The following ADGRA2 variants were observed in gnomAD, a reference collection of about 807,000 sequenced individuals.
The protein encoded by ADGRA2 is adhesion G protein-coupled receptor A2.
Under a neutral mutation model 98.7 loss-of-function variants are expected in ADGRA2, and 61 were observed. The observed-to-expected ratio is 0.62, with a 90% CI of 0.50 to 0.76. The LOEUF (loss-of-function observed/expected upper bound fraction) is 0.76. Ranked by LOEUF, ADGRA2 falls within the 30% of genes least tolerant of loss-of-function variation. The probability of loss-of-function intolerance (pLI) is 0.00; values close to 1 mark genes in which losing one functional copy is unlikely to be tolerated. For missense variants in ADGRA2, 1,712 were observed against 1,860.0 expected, an observed-to-expected ratio of 0.92 and a Z score of 1.46; for synonymous variants, 858 against 831.5, an observed-to-expected ratio of 1.03 and a Z score of -0.55.
At chr8:37,807,712 G>A (rs7015566) in intron 1 of ADGRA2, among the ~76,000 whole-genome samples, 34,403 of 152,094 alleles carry the variant, frequency 0.23, 4,144 homozygotes, top group Middle Eastern at 0.36. Context: ...CAAGCTGCCA[G>A]TGGCAGGTGT....
In ADGRA2 at chr8:37,843,580, GAAC is replaced by G. The variant is rs1209913460; in HGVS notation, c.*1230_*1232del. 3 of 152,168 alleles carry G rather than the reference GAAC, an allele frequency of 2.0e-5. No individual in the cohort carries two copies. The highest frequency in any genetic ancestry group is 6.5e-5 in the Admixed American group (1 of 15,280). 9.4% of individuals were successfully genotyped at this position (152,168 alleles called of 1,614,324 possible). A position where few individuals can be genotyped will look rare whatever the true frequency, so the allele number is the denominator to read the frequency against. On this transcript the variant is annotated 3_prime_UTR_variant, in exon 19 of 19. Coordinates refer to ENST00000412232, the MANE Select transcript of ADGRA2 (RefSeq NM_032777.10). Reference sequence around the variant, plus strand: ...CCGAGGGAACCCTGGGTCTTGGGAAGAACAACAGGAAACCAAGGTCTGACCTAG... The same window carrying G: ...CCGAGGGAACCCTGGGTCTTGGGAAGAACAGGAAACCAAGGTCTGACCTAG...
At chr8:37,819,547 T>G (rs1585385815) in intron 2 of ADGRA2, among the ~76,000 whole-genome samples, 1 of 152,198 alleles carries the variant, frequency 6.6e-6, no homozygotes, top group South Asian at 2.1e-4. Context: ...TTTTGTATTT[T>G]TAGTAGAGAC....
At position 37,841,015 on chromosome 8, in the gene ADGRA2, A is replaced by C. The variant is rs1805773905; in HGVS notation, c.2748-71A>C. On this transcript the variant is annotated intron_variant, in intron 18 of 18. Coordinates refer to ENST00000412232, the MANE Select transcript of ADGRA2 (RefSeq NM_032777.10). The surrounding 1 kb of genome is among the most constrained non-coding windows in gnomAD (Gnocchi z 5.0). ...CGTACTCACCATATCCTGTCTCCCC[A>C]ACCACCCCGGCCCCCAGCCCCACCC... The C allele has an allele frequency of 1.7e-5, 23 of 1,382,650 alleles. No individual in the cohort carries two copies. Among genetic ancestry groups the C allele is most frequent in the South Asian group, 7.8e-5 (6 of 77,140 alleles). The allele number at this position is 1,382,650 out of a possible 1,614,324, so 85.6% of individuals were successfully genotyped here.
intron 1 of ADGRA2, among the ~76,000 whole-genome samples, chr8:37,800,060 G>A (rs952236665): frequency 1.3e-5 from 2 of 152,200 alleles, no homozygotes; most frequent in East Asian, 3.8e-4. Flanking sequence ...CTTGAGGGAG[G>A]GAGCAGGAGA....
rs554133182 is a variant in ADGRA2, at chr8:37,839,377, A to T, written c.2388-122A>T. 3.7e-5 allele frequency: 56 copies of T among 1,501,414 alleles called. 1 individual carries two copies. In the South Asian group the frequency reaches 6.6e-4, roughly 18 times the overall value. 93.0% of individuals were successfully genotyped at this position (1,501,414 alleles called of 1,614,324 possible). On this transcript the variant is annotated intron_variant, in intron 15 of 18. Coordinates refer to ENST00000412232, the MANE Select transcript of ADGRA2 (RefSeq NM_032777.10). ...CTCCCTACCCTATGGCCTCTGTCAC[A>T]TTCCCAACCATTCACACACGCAGAT...
intron 2 of ADGRA2, among the ~76,000 whole-genome samples, chr8:37,817,318 C>T (rs998512490): frequency 6.6e-5 from 10 of 152,172 alleles, no homozygotes; most frequent in African/African-American, 2.4e-4. Context: ...GACATTTGCA[C>T]GCGGCTCCGT....
At position 37,844,162 on chromosome 8, in the gene ADGRA2, G is replaced by T. The variant is rs957504122; in HGVS notation, c.*1807G>T. 1.7e-5 allele frequency: 5 copies of T among 289,300 alleles called. No individual in the cohort carries two copies. Among genetic ancestry groups the T allele is most frequent in the Non-Finnish European group, 2.6e-5 (4 of 151,648 alleles). The allele number at this position is 289,300 out of a possible 1,614,324, so 17.9% of individuals were successfully genotyped here. ...GAGGGAAGCCCCCTCAGGCCTGCAG[G>T]AGGAGCCGCAGCAGTGTGTCCAATT... is the stretch of plus-strand genomic sequence containing the variant. On this transcript the variant is annotated 3_prime_UTR_variant, in exon 19 of 19. Transcript: ENST00000412232.
chr8:37,811,119 CAAAAAAAAAAAA>C (rs1158782949), intron 1 of ADGRA2, among the ~76,000 whole-genome samples: 1 of 68,626 alleles, frequency 1.5e-5, no homozygotes, highest in Non-Finnish European at 2.6e-5. Flanking sequence ...GTCTCAAAAA[CAAAAAAAAAAAA>C]AAAAAAAAAG....
chr8:37,817,750 C>T (rs1805019759), intron 2 of ADGRA2, among the ~76,000 whole-genome samples: 1 of 152,140 alleles, frequency 6.6e-6, no homozygotes, highest in East Asian at 1.9e-4. Flanking sequence ...GGCATGGTGG[C>T]TCACGCCTGT....
chr8:37,805,455 C>A (rs980847439), intron 1 of ADGRA2, among the ~76,000 whole-genome samples: 3 of 152,134 alleles, frequency 2.0e-5, no homozygotes, highest in Admixed American at 6.6e-5. Context: ...AAGAGGTCTG[C>A]GCCGCGTGTG....
chr8:37,844,853 GTCACCGATGTGCT>G lies in ADGRA2; in HGVS notation c.*2504_*2516del. On this transcript the variant is annotated 3_prime_UTR_variant, in exon 19 of 19. Coordinates refer to ENST00000412232, the MANE Select transcript of ADGRA2 (RefSeq NM_032777.10). ...CCAGTGACTGGCGGTGCTGGAGAAG[GTCACCGATGTGCT>G]TCACCACAGACCGTTTGTCAAGTCT... 1 of 1,614,164 alleles carries G rather than the reference GTCACCGATGTGCT, an allele frequency of 6.2e-7. No homozygotes were observed. The highest frequency in any genetic ancestry group is 8.5e-7 in the Non-Finnish European group (1 of 1,180,046).
intron 1 of ADGRA2, among the ~76,000 whole-genome samples, chr8:37,800,105 C>T (rs895730635): frequency 2.0e-5 from 3 of 152,144 alleles, no homozygotes; most frequent in Non-Finnish European, 4.4e-5. Flanking sequence ...GATGATCTGT[C>T]TCCTCCCCAT....
At chr8:37,835,047 T>A in intron 11 of ADGRA2, 127 bp from the exon 12 acceptor site, 2 of 620,394 alleles carry the variant, frequency 3.2e-6, no homozygotes, top group Non-Finnish European at 2.8e-6. Flanking sequence ...GAGAGAGAGG[T>A]GGCTTTGAAA....
Position 37,840,268 on chromosome 8 carries a change from T to A in ADGRA2, c.2657+2T>A, listed in dbSNP as rs1377808783. The A allele has an allele frequency of 1.2e-5, 20 of 1,611,468 alleles. No individual in the cohort carries two copies. The highest frequency in any genetic ancestry group is 2.2e-5 in the East Asian group (1 of 44,888). ...GCCTACTCCCAGTCCTATGCTCCGGTACATACTTTCAATTCCAGCTTTGCA... is the reference window on the plus strand; with the variant it reads ...GCCTACTCCCAGTCCTATGCTCCGGAACATACTTTCAATTCCAGCTTTGCA... On this transcript the variant is annotated splice_donor_variant, in intron 17 of 18. Transcript: ENST00000412232. LOFTEE classifies it high-confidence loss of function.
In ADGRA2 at chr8:37,833,970, G is replaced by A. The variant is rs772173368; in HGVS notation, c.1450G>A (p.Val484Ile). Residue 484 changes from valine to isoleucine, a missense_variant, in exon 11 of 19, where the codon GTA becomes ATA. Coordinates refer to ENST00000412232, the MANE Select transcript of ADGRA2 (RefSeq NM_032777.10). ...AGCAACTTCCCTGTCCCCCCAGCTG[G>A]TAGAGGTGATGGTGGACATGGCCAG... Reference protein sequence around the residue: ...LGYVDQIKELVEVMVDMASNL... With the variant: ...LGYVDQIKELIEVMVDMASNL... The A allele has an allele frequency of 1.6e-5, 25 of 1,612,098 alleles. No homozygotes were observed. The African/African-American group carries it at 2.9e-4, about 19-fold the overall frequency.
chr8:37,832,242 A>G (rs1033222118), intron 8 of ADGRA2, among the ~76,000 whole-genome samples: 3 of 152,052 alleles, frequency 2.0e-5, no homozygotes, highest in African/African-American at 7.2e-5. Context: ...CAGTAGAGAT[A>G]GGGTTTCACC....
At chr8:37,840,352 T>C in intron 17 of ADGRA2, 86 bp downstream of exon 17, 1 of 1,418,750 alleles carries the variant, frequency 7.0e-7, no homozygotes, top group South Asian at 1.1e-5. Flanking sequence ...GAAGGGTGAG[T>C]CTAAGGTCCC....
intron 9 of ADGRA2, among the ~76,000 whole-genome samples, chr8:37,833,443 G>T (rs904981006): frequency 6.6e-6 from 1 of 152,158 alleles, no homozygotes; most frequent in African/African-American, 2.4e-5. Context: ...GCCACCTCAC[G>T]CCCCTTTACT....
chr8:37,825,260 T>G (rs1257099490), intron 2 of ADGRA2, among the ~76,000 whole-genome samples: 2 of 152,096 alleles, frequency 1.3e-5, no homozygotes, highest in African/African-American at 4.8e-5. Flanking sequence ...TCATTTTTTT[T>G]TTAAGAGTCT....
Sources: allele counts gnomAD v4.1 joint callset (sites outside exome capture counted in the v4.1 genomes callset), GRCh38; gene constraint gnomAD v4.1.1; non-coding constraint Gnocchi (gnomAD v3.1); transcripts MANE v1.5; gene names NCBI Gene and HGNC (gene_info 2026-07-23, HGNC 2026-07-21).